Variants in RPS6KC1 observed in about 807,000 individuals in gnomAD.
The protein encoded by RPS6KC1 is ribosomal protein S6 kinase C1, also known as inactive ribosomal protein S6 kinase delta-1.
Under a neutral mutation model 103.8 loss-of-function variants are expected in RPS6KC1, and 54 were observed. The ratio of observed to expected loss-of-function variants is 0.52; its 90% CI spans 0.42 to 0.65. The LOEUF is 0.65. Among genes scored for constraint, RPS6KC1 ranks in the 30% least tolerant of loss-of-function variants. RPS6KC1 has a pLI of 0.00. For synonymous variants in RPS6KC1, 439 were observed against 438.7 expected (o/e 1.00, Z -0.01); for missense variants, 1,151 against 1,253.8 (o/e 0.92, Z 1.24).
the RPS6KC1 span, among the ~76,000 whole-genome samples, chr1:213,462,655 C>T: frequency 1.3e-5 from 2 of 152,086 alleles, no homozygotes; most frequent in Non-Finnish European, 2.9e-5. Context: ...AACACAGGAA[C>T]AGAAAACACT....
At chr1:213,390,993 G>A in the RPS6KC1 span, among the ~76,000 whole-genome samples, 30 of 151,984 alleles carry the variant, frequency 2.0e-4, no homozygotes, top group Non-Finnish European at 3.8e-4. Flanking sequence ...TGATACCGAT[G>A]TATATGATTC....
At chr1:213,795,592 C>T in the RPS6KC1 span, among the ~76,000 whole-genome samples, 1 of 152,054 alleles carries the variant, frequency 6.6e-6, no homozygotes, top group Non-Finnish European at 1.5e-5. Flanking sequence ...ATTTCTGGCT[C>T]CAACAAAATC....
the RPS6KC1 span, among the ~76,000 whole-genome samples, chr1:213,673,888 T>C: frequency 6.6e-6 from 1 of 152,216 alleles, no homozygotes; most frequent in Non-Finnish European, 1.5e-5. Context: ...TTTGTTACAT[T>C]GGTATATTGC....
chr1:213,437,353 G>GAATA, the RPS6KC1 span, among the ~76,000 whole-genome samples: 1 of 151,960 alleles, frequency 6.6e-6, no homozygotes. Context: ...TGTATTCTTT[G>GAATA]AATAAAATTA....
chr1:213,239,457 C>G (rs1158640063), intron 10 of RPS6KC1, among the ~76,000 whole-genome samples: 3 of 152,108 alleles, frequency 2.0e-5, no homozygotes, highest in Non-Finnish European at 2.9e-5. Flanking sequence ...AGCATTTATT[C>G]TATGCTAGGT....
chr1:213,812,641 T>C, the RPS6KC1 span, among the ~76,000 whole-genome samples: 4 of 152,212 alleles, frequency 2.6e-5, no homozygotes, highest in Admixed American at 1.3e-4. Context: ...GTTGTGTGTG[T>C]TAAAGAGATA....
the RPS6KC1 span, among the ~76,000 whole-genome samples, chr1:213,710,751 A>G: frequency 6.6e-6 from 1 of 151,968 alleles, no homozygotes; most frequent in Non-Finnish European, 1.5e-5. Flanking sequence ...GCTGTAAAGG[A>G]TTTTATTTTT....
At chr1:213,725,744 C>T in the RPS6KC1 span, among the ~76,000 whole-genome samples, 50 of 152,334 alleles carry the variant, frequency 3.3e-4, no homozygotes, top group Non-Finnish European at 6.6e-4. Flanking sequence ...ACATATTTCA[C>T]ATGATTTTAA....
At chr1:213,283,766 A>C in the RPS6KC1 span, among the ~76,000 whole-genome samples, 1 of 152,186 alleles carries the variant, frequency 6.6e-6, no homozygotes, top group Admixed American at 6.5e-5. Context: ...GGGACAAGAG[A>C]AGGGTCCAGA....
chr1:213,117,285 C>T (rs767010244), intron 4 of RPS6KC1, 32 bp from the exon 5 acceptor site: 6 of 1,282,252 alleles, frequency 4.7e-6, no homozygotes, highest in Non-Finnish European at 5.6e-6. Context: ...GCTCTTAATG[C>T]TAATGAAACA....
the RPS6KC1 span, among the ~76,000 whole-genome samples, chr1:213,497,508 C>T: frequency 1.8e-3 from 271 of 152,206 alleles, 1 homozygote; most frequent in South Asian, 9.1e-3. Flanking sequence ...ATTACAATTT[C>T]GATTACATAT....
the RPS6KC1 span, among the ~76,000 whole-genome samples, chr1:213,409,956 A>G: frequency 6.6e-6 from 1 of 152,188 alleles, no homozygotes; most frequent in Non-Finnish European, 1.5e-5. Flanking sequence ...TAAGGCCAAG[A>G]GTTGGAGATC....
rs564422298 is a variant in RPS6KC1 at position 213,111,142 on chromosome 1, A to G, written c.379-6175A>G. On this transcript the variant is annotated intron_variant, in intron 4 of 14. Coordinates refer to ENST00000366960, the MANE Select transcript of RPS6KC1 (RefSeq NM_012424.6). ...GTGGTTCTGTGGTTTCTCGGTAACC[A>G]CTCTTTCATTTGCTTTATGCTTTTA... 3.3e-5 allele frequency among the ~76,000 whole-genome samples: 5 copies of G among 150,496 alleles called. No individual in the cohort carries two copies. The South Asian group carries it at 8.5e-4, about 26-fold the overall frequency.
chr1:213,208,010 G>C (rs1367581182), intron 8 of RPS6KC1, among the ~76,000 whole-genome samples: 2 of 152,100 alleles, frequency 1.3e-5, no homozygotes, highest in Non-Finnish European at 2.9e-5. Flanking sequence ...TCTATTGTCA[G>C]TTTGTTTTAT....
chr1:213,294,996 T>A, the RPS6KC1 span, among the ~76,000 whole-genome samples: 2 of 152,098 alleles, frequency 1.3e-5, no homozygotes, highest in African/African-American at 4.8e-5. Flanking sequence ...ACTCAGTGGC[T>A]CCCTGTGATT....
chr1:213,234,814 T>G (rs1401949490), intron 10 of RPS6KC1, among the ~76,000 whole-genome samples: 1 of 152,124 alleles, frequency 6.6e-6, no homozygotes, highest in Non-Finnish European at 1.5e-5. Flanking sequence ...AAGGCAAGAA[T>G]AGAAGCAGTA....
chr1:213,079,944 T>C (rs1053221084), intron 3 of RPS6KC1, among the ~76,000 whole-genome samples: 3 of 150,856 alleles, frequency 2.0e-5, no homozygotes, highest in Admixed American at 2.0e-4. Flanking sequence ...GAGATGAAAT[T>C]TCACTCTTGT....
At chr1:213,160,957 C>G (rs559429872) in intron 6 of RPS6KC1, among the ~76,000 whole-genome samples, 1 of 151,816 alleles carries the variant, frequency 6.6e-6, no homozygotes, top group African/African-American at 2.4e-5. Flanking sequence ...TGTAACAGAT[C>G]TGCACATTGT....
chr1:213,588,267 A>C, the RPS6KC1 span, among the ~76,000 whole-genome samples: 2 of 150,012 alleles, frequency 1.3e-5, no homozygotes, highest in Admixed American at 6.6e-5. Context: ...TAGAGTCCTC[A>C]TGACCTAATC....
Sources: gnomAD v4.1 joint callset for allele counts (sites outside exome capture counted in the v4.1 genomes callset) on GRCh38, gnomAD v4.1.1 for gene constraint, MANE v1.5 for transcripts, NCBI Gene and HGNC (gene_info 2026-07-23, HGNC 2026-07-21) for gene names.